The following EIF2B1 variants were observed in gnomAD, a reference collection of about 807,000 sequenced individuals.
The protein encoded by EIF2B1 is eukaryotic translation initiation factor 2B subunit alpha.
A neutral mutation model predicts 36.8 loss-of-function variants in EIF2B1; 30 were observed. That is an observed-to-expected ratio of 0.81 (90% CI 0.61 to 1.10). EIF2B1 has a LOEUF of 1.10. Ranked by LOEUF, EIF2B1 falls within the 50% of genes least tolerant of loss-of-function variation. The pLI is 0.00. For missense variants in EIF2B1, 271 were observed against 374.8 expected (o/e 0.72, Z 2.29); for synonymous variants, 139 against 142.2 (o/e 0.98, Z 0.16).
chr12:123,631,148 T>C (rs73416222), intron 2 of EIF2B1, among the ~76,000 whole-genome samples: 1,653 of 152,272 alleles, frequency 0.011, 31 homozygotes, highest in African/African-American at 0.037. Flanking sequence ...TAAACACTTA[T>C]AAAGCTGAAC....
intron 8 of EIF2B1, 143 bp from the exon 9 acceptor site, chr12:123,622,063 C>A: frequency 8.3e-7 from 1 of 1,209,108 alleles, no homozygotes; most frequent in Non-Finnish European, 1.2e-6. Context: ...ACACTAGAGA[C>A]GAGGGCAGAG....
chr12:123,623,900 G>T (rs999582689), intron 7 of EIF2B1, among the ~76,000 whole-genome samples: 1 of 151,934 alleles, frequency 6.6e-6, no homozygotes, highest in Non-Finnish European at 1.5e-5. Context: ...ATGACAGGCC[G>T]GCCACAGTGG....
At chr12:123,632,478 T>G (rs766127926) in intron 1 of EIF2B1, 32 bp from the exon 2 acceptor site, 8 of 1,452,416 alleles carry the variant, frequency 5.5e-6, no homozygotes, top group Non-Finnish European at 4.8e-6. Context: ...ATTCACCTAA[T>G]TCATTTAGCA....
rs774092291 is a variant in EIF2B1, at chr12:123,627,175, T to C, written c.370-19A>G. 25 of 1,604,452 alleles carry C rather than the reference T, an allele frequency of 1.6e-5. No individual in the cohort carries two copies. In the East Asian group the frequency reaches 1.8e-4, roughly 11 times the overall value. ...ATATTGTCTGTGGACCGAGAAAGCT[T>C]TGTCAAAGGGGCAGGCTCCTTGCTG... On this transcript the variant is annotated intron_variant, in intron 4 of 8. Transcript: ENST00000424014.
At chr12:123,622,828 G>A (rs890966259) in intron 7 of EIF2B1, 67 bp from the exon 8 acceptor site, 34 of 1,604,792 alleles carry the variant, frequency 2.1e-5, no homozygotes, top group South Asian at 1.2e-4. Context: ...ACAGAAAAGC[G>A]GGCCGGGCAC....
At chr12:123,629,418 C>G (rs78936504) in intron 4 of EIF2B1, among the ~76,000 whole-genome samples, 11,266 of 152,206 alleles carry the variant, frequency 0.074, 582 homozygotes, top group African/African-American at 0.14. Context: ...CAGTGTTAAC[C>G]AGTGACAAGA....
intron 4 of EIF2B1, 146 bp from the exon 5 acceptor site, chr12:123,627,302 TAC>T: frequency 1.3e-6 from 1 of 741,234 alleles, no homozygotes; most frequent in Non-Finnish European, 2.4e-6. Flanking sequence ...GACCTGATGG[TAC>T]AGTTTCCATC....
chr12:123,630,376 C>G lies in EIF2B1; in HGVS notation c.252+21G>C. 1 of 1,614,036 alleles carries G rather than the reference C, an allele frequency of 6.2e-7. No individual in the cohort carries two copies. The highest frequency in any genetic ancestry group is 8.5e-7 in the Non-Finnish European group (1 of 1,179,988). On this transcript the variant is annotated intron_variant, in intron 3 of 8. Coordinates refer to ENST00000424014, the MANE Select transcript of EIF2B1 (RefSeq NM_001414.4). The surrounding 1 kb of genome is among the most constrained non-coding windows in gnomAD (Gnocchi z 4.6). ...TAAACAGAGAAGTGGAAAGGTAACC[C>G]CAGGGAGAACAGGCACTTACGGAGT...
At chr12:123,631,881 G>A (rs1955191785) in intron 2 of EIF2B1, among the ~76,000 whole-genome samples, 1 of 152,080 alleles carries the variant, frequency 6.6e-6, no homozygotes, top group Admixed American at 6.6e-5. Context: ...GGCTGAGGCA[G>A]GAGAATCGCT....
At chr12:123,623,782 C>T (rs940685901) in intron 7 of EIF2B1, among the ~76,000 whole-genome samples, 1 of 152,090 alleles carries the variant, frequency 6.6e-6, no homozygotes, top group Admixed American at 6.6e-5. Context: ...CCTTATGTTA[C>T]ATATATTTTA....
At chr12:123,624,992 G>A (rs375881140) in intron 6 of EIF2B1, 130 bp from the exon 7 acceptor site, 15 of 803,684 alleles carry the variant, frequency 1.9e-5, no homozygotes, top group African/African-American at 1.5e-4. Flanking sequence ...TTTTTAAAGC[G>A]CACTTAACAC....
intron 7 of EIF2B1, among the ~76,000 whole-genome samples, chr12:123,623,084 G>C (rs945188460): frequency 6.7e-6 from 1 of 150,168 alleles, no homozygotes; most frequent in Non-Finnish European, 1.5e-5. Context: ...AAAGGATATA[G>C]AAACAGCCAC....
At chr12:123,622,573 A>T in intron 8 of EIF2B1, 63 bp downstream of exon 8, 1 of 1,607,250 alleles carries the variant, frequency 6.2e-7, no homozygotes, top group African/African-American at 1.3e-5. Flanking sequence ...CATTCTTAGG[A>T]CTACAATTTC....
rs1222221951 is a variant in EIF2B1 at position 123,621,807 on chromosome 12, G to A, written c.867C>T (p.Gly289=). Residue 289 remains glycine, a synonymous_variant, in exon 9 of 9, where the codon GGC becomes GGT. Coordinates refer to ENST00000424014, the MANE Select transcript of EIF2B1 (RefSeq NM_001414.4). The stretch of plus-strand genomic sequence containing the variant: ...CGCTGACTGCTGAGGGTGTCAGCAC[G>A]CCCAGGTCTGTAAACAGCAGAGTGA... ...SLITLLFTDL[G]VLTPSAVSDE... 4.3e-6 allele frequency: 7 copies of A among 1,614,018 alleles called. 1 individual carries two copies. Among genetic ancestry groups the A allele is most frequent in the East Asian group, 2.2e-5 (1 of 44,884 alleles).
chr12:123,622,560 G>C, intron 8 of EIF2B1, 76 bp downstream of exon 8: 1 of 1,596,040 alleles, frequency 6.3e-7, no homozygotes, highest in South Asian at 1.1e-5. Context: ...AAAATTACTG[G>C]AACATTCTTA....
chr12:123,632,342 T>A lies in EIF2B1; in HGVS notation c.115+3A>T. The A allele has an allele frequency of 6.3e-7, 1 of 1,583,568 alleles. No homozygotes were observed. The highest frequency in any genetic ancestry group is 8.7e-7 in the Non-Finnish European group (1 of 1,153,368). On this transcript the variant is annotated splice_donor_region_variant and intron_variant, in intron 2 of 8. Transcript: ENST00000424014. Reference sequence around the variant, plus strand: ...GAGTGTTAACAGATGACTCTCTATATACCTTTATCTCTCTTCAAGAACTCC... The same window carrying A: ...GAGTGTTAACAGATGACTCTCTATAAACCTTTATCTCTCTTCAAGAACTCC...
In EIF2B1 at chr12:123,621,623, T is replaced by C; in HGVS notation, c.*133A>G. ...AGTAAGAAAGGTTCTCCAAGATGTA[T>C]GATTTTAAGTCCTTACTCCATAAAT... is the stretch of plus-strand genomic sequence containing the variant. On this transcript the variant is annotated 3_prime_UTR_variant, in exon 9 of 9. Coordinates refer to ENST00000424014, the MANE Select transcript of EIF2B1 (RefSeq NM_001414.4). The C allele has an allele frequency of 3.5e-6, 4 of 1,140,840 alleles. No homozygotes were observed. Among genetic ancestry groups the C allele is most frequent in the Non-Finnish European group, 5.2e-6 (4 of 773,748 alleles). 70.7% of individuals were successfully genotyped at this position (1,140,840 alleles called of 1,614,324 possible).
At chr12:123,632,286 G>GAA (rs1327512604) in intron 2 of EIF2B1, 59 bp downstream of exon 2, 2 of 916,438 alleles carry the variant, frequency 2.2e-6, no homozygotes, top group South Asian at 1.6e-5. Flanking sequence ...AAAAAAAAAA[G>GAA]AAAAGAAAAA....
At position 123,620,621 on chromosome 12, in the gene EIF2B1, TATATATAA is replaced by T; in HGVS notation, c.*1127_*1134del. ...ATATATATATATATATATATATATA[TATATATAA>T]GCTCTTTTTTCTGAGGCTATTTTAT... On this transcript the variant is annotated 3_prime_UTR_variant, in exon 9 of 9. Transcript: ENST00000424014. The T allele has an allele frequency of 1.0e-5, 1 of 100,122 alleles. No individual in the cohort carries two copies. The highest frequency in any genetic ancestry group is 3.6e-5 in the African/African-American group (1 of 27,408). The allele number at this position is 100,122 out of a possible 1,614,324, so 6.2% of individuals were successfully genotyped here. A position where few individuals can be genotyped will look rare whatever the true frequency, so the allele number is the denominator to read the frequency against.
Sources: gnomAD v4.1 joint callset for allele counts (sites outside exome capture counted in the v4.1 genomes callset) on GRCh38, gnomAD v4.1.1 for gene constraint, Gnocchi (gnomAD v3.1) non-coding constraint, MANE v1.5 for transcripts, NCBI Gene and HGNC (gene_info 2026-07-23, HGNC 2026-07-21) for gene names.